Variants in RBBP8 observed in about 807,000 individuals in gnomAD.
RBBP8 encodes the protein RB binding protein 8, endonuclease, also known as DNA endonuclease RBBP8.
Under a neutral mutation model 108.3 loss-of-function variants are expected in RBBP8, and 88 were observed. The ratio of observed to expected loss-of-function variants is 0.81; its 90% CI spans 0.68 to 0.97. The LOEUF is 0.97. RBBP8 is among the 50% of genes least tolerant of loss of function. RBBP8 has a pLI of 0.00. For missense variants in RBBP8, 1,023 were observed against 1,049.0 expected (o/e 0.98, Z 0.34); for synonymous variants, 332 against 348.2 (o/e 0.95, Z 0.52).
At position 22,971,777 on chromosome 18, in the gene RBBP8, C is replaced by T. The variant is rs191569811; in HGVS notation, c.361+2859C>T. Among the ~76,000 whole-genome samples the T allele has an allele frequency of 8.4e-4, 126 of 150,840 alleles. No individual in the cohort carries two copies. In the Middle Eastern group the frequency reaches 0.017, roughly 21 times the overall value. ...TCTCCTGCCTCAACCTCCCAAGTAG[C>T]TGGGATTACAGGCGCCCACCACCAC... On this transcript the variant is annotated intron_variant, in intron 5 of 18. Transcript: ENST00000327155.
intron 3 of RBBP8, among the ~76,000 whole-genome samples, chr18:22,922,818 C>T (rs920153332): frequency 6.6e-6 from 1 of 152,102 alleles, no homozygotes; most frequent in African/African-American, 2.4e-5. Context: ...AGATTAGTTT[C>T]TCCTTTCTAT....
At chr18:22,991,146 T>C (rs2144693413) in intron 10 of RBBP8, 97 bp downstream of exon 10, 1 of 873,086 alleles carries the variant, frequency 1.1e-6, no homozygotes, top group Non-Finnish European at 1.8e-6. Flanking sequence ...CTTCAACATA[T>C]AGTTTGTTAT....
chr18:22,953,060 G>A (rs1303470401), intron 4 of RBBP8, among the ~76,000 whole-genome samples: 1 of 152,184 alleles, frequency 6.6e-6, no homozygotes, highest in Non-Finnish European at 1.5e-5. Flanking sequence ...GAGATTTATT[G>A]GGAAAAATAC....
At chr18:22,959,400 T>A (rs1468951375) in intron 4 of RBBP8, among the ~76,000 whole-genome samples, 1 of 152,214 alleles carries the variant, frequency 6.6e-6, no homozygotes, top group Non-Finnish European at 1.5e-5. Context: ...CTTGTTCTGA[T>A]CAACCTTCGT....
intron 6 of RBBP8, among the ~76,000 whole-genome samples, chr18:22,976,823 A>C (rs1163696350): frequency 1.3e-5 from 2 of 152,130 alleles, no homozygotes; most frequent in African/African-American, 4.8e-5. Context: ...TTAACACAGA[A>C]TTAGATAGAC....
chr18:22,927,750 T>G (rs1383267421), intron 3 of RBBP8, among the ~76,000 whole-genome samples: 3 of 151,980 alleles, frequency 2.0e-5, no homozygotes, highest in African/African-American at 7.2e-5. Context: ...TTTAGAAAAT[T>G]TAATATTATA....
intron 6 of RBBP8, among the ~76,000 whole-genome samples, chr18:22,979,764 A>T (rs571507817): frequency 1.7e-4 from 26 of 151,190 alleles, no homozygotes; most frequent in African/African-American, 6.3e-4. Context: ...TGAGTTGGGC[A>T]AGAACATATG....
intron 10 of RBBP8, among the ~76,000 whole-genome samples, chr18:22,992,259 A>G (rs1256432449): frequency 6.6e-6 from 1 of 152,214 alleles, no homozygotes; most frequent in East Asian, 1.9e-4. Flanking sequence ...TCTGTCACCC[A>G]GGCTTAGCTC....
chr18:22,936,364 A>T (rs1347286030), intron 1 of RBBP8, among the ~76,000 whole-genome samples: 2 of 152,202 alleles, frequency 1.3e-5, no homozygotes, highest in African/African-American at 4.8e-5. Flanking sequence ...AGCCTCCCAA[A>T]GAGCTAGGAT....
chr18:22,974,078 A>G (rs1178217495), intron 5 of RBBP8, among the ~76,000 whole-genome samples: 1 of 152,236 alleles, frequency 6.6e-6, no homozygotes, highest in African/African-American at 2.4e-5. Flanking sequence ...TTTATAAACC[A>G]CTAAATTATT....
At chr18:22,981,181 A>G (rs978338165) in intron 6 of RBBP8, among the ~76,000 whole-genome samples, 4 of 151,652 alleles carry the variant, frequency 2.6e-5, no homozygotes, top group Non-Finnish European at 5.9e-5. Context: ...CGTGTTAGCC[A>G]GGATGGTCTC....
chr18:22,968,670 G>A, intron 4 of RBBP8, 136 bp from the exon 5 acceptor site: 2 of 692,356 alleles, frequency 2.9e-6, no homozygotes, highest in Non-Finnish European at 5.2e-6. Context: ...TATGTTAAAG[G>A]TATAATAACA....
chr18:22,969,745 C>T (rs926592582), intron 5 of RBBP8, among the ~76,000 whole-genome samples: 1 of 152,108 alleles, frequency 6.6e-6, no homozygotes, highest in Non-Finnish European at 1.5e-5. Flanking sequence ...CCCCGCTTCC[C>T]TCCCTTCTCT....
At chr18:22,915,078 CTTTATTTACTGATA>C (rs1462445607) in intron 1 of RBBP8, among the ~76,000 whole-genome samples, 2 of 152,082 alleles carry the variant, frequency 1.3e-5, no homozygotes, top group African/African-American at 4.8e-5. Flanking sequence ...CATCCTACCC[CTTTATTTACTGATA>C]TTAGATTGAA....
At chr18:22,992,707 A>G (rs367734487) in intron 10 of RBBP8, 41 bp from the exon 11 acceptor site, 17 of 1,523,326 alleles carry the variant, frequency 1.1e-5, no homozygotes, top group South Asian at 3.4e-5. Flanking sequence ...AGACCTTACT[A>G]TTAATTCTGT....
intron 15 of RBBP8, among the ~76,000 whole-genome samples, chr18:23,002,104 G>A (rs1029096173): frequency 2.6e-5 from 4 of 152,196 alleles, no homozygotes; most frequent in African/African-American, 9.6e-5. Context: ...TAGAGTAGAA[G>A]GAGAAAGTTT....
At chr18:22,926,162 C>T (rs931926444) in intron 3 of RBBP8, among the ~76,000 whole-genome samples, 2 of 152,240 alleles carry the variant, frequency 1.3e-5, no homozygotes, top group Non-Finnish European at 2.9e-5. Context: ...GTGGCTCACA[C>T]CTGTAACCCC....
intron 2 of RBBP8, among the ~76,000 whole-genome samples, chr18:22,944,556 A>G (rs934879006): frequency 5.9e-5 from 9 of 152,226 alleles, no homozygotes; most frequent in South Asian, 4.1e-4. Context: ...CACTTATTGA[A>G]GGATGTTTGG....
intron 1 of RBBP8, among the ~76,000 whole-genome samples, chr18:22,915,262 T>C (rs1909310599): frequency 6.6e-6 from 1 of 152,156 alleles, no homozygotes; most frequent in South Asian, 2.1e-4. Flanking sequence ...ATCCTTTTCA[T>C]TGTCCCTAGG....
Sources: allele counts gnomAD v4.1 joint callset (sites outside exome capture counted in the v4.1 genomes callset), GRCh38; gene constraint gnomAD v4.1.1; transcripts MANE v1.5; gene names NCBI Gene and HGNC (gene_info 2026-07-23, HGNC 2026-07-21).